The following ADGRL3 variants were observed in gnomAD, a reference collection of about 807,000 sequenced individuals.
ADGRL3 encodes calcium-independent alpha-latrotoxin receptor 3.
A neutral mutation model predicts 153.5 loss-of-function variants in ADGRL3; 62 were observed. The observed-to-expected ratio is 0.40, with a 90% confidence interval of 0.33 to 0.50. The LOEUF (loss-of-function observed/expected upper bound fraction) is 0.50, where lower values mean the gene tolerates loss of function less well. ADGRL3 is among the 20% of genes least tolerant of loss of function. The pLI is 0.47. For synonymous variants in ADGRL3, 710 were observed against 672.5 expected (o/e 1.06, Z -0.86); for missense variants, 1,641 against 1,859.4 (o/e 0.88, Z 2.16).
intron 1 of ADGRL3, among the ~76,000 whole-genome samples, chr4:61,294,090 C>T (rs562866377): frequency 2.6e-4 from 39 of 152,234 alleles, no homozygotes; most frequent in Admixed American, 5.9e-4. Context: ...AAACCACTTT[C>T]GAAAATACTT....
intron 1 of ADGRL3, among the ~76,000 whole-genome samples, chr4:61,284,447 G>A (rs1051692702): frequency 1.3e-5 from 2 of 151,770 alleles, no homozygotes; most frequent in African/African-American, 4.8e-5. Context: ...ATAATTGCCT[G>A]ATCTAACCAA....
At chr4:61,590,143 T>C (rs978605382) in intron 5 of ADGRL3, among the ~76,000 whole-genome samples, 2 of 152,138 alleles carry the variant, frequency 1.3e-5, no homozygotes, top group Non-Finnish European at 2.9e-5. Flanking sequence ...CCTACATTTC[T>C]CTTTAATCTC....
At chr4:61,344,625 T>C (rs747434118) in intron 1 of ADGRL3, among the ~76,000 whole-genome samples, 2 of 152,078 alleles carry the variant, frequency 1.3e-5, no homozygotes, top group Non-Finnish European at 1.5e-5. Context: ...CAGTGTGAGA[T>C]TGGTGAGAAT....
rs552133103 is a variant in ADGRL3 at position 61,277,222 on chromosome 4, G to T, written c.-240+75457G>T. 9.2e-5 allele frequency among the ~76,000 whole-genome samples: 14 copies of T among 152,110 alleles called. No individual in the cohort carries two copies. In the East Asian group the frequency reaches 2.3e-3, roughly 25 times the overall value. On this transcript the variant is annotated intron_variant, in intron 1 of 26. Coordinates refer to ENST00000683033, the MANE Select transcript of ADGRL3 (RefSeq NM_001387552.1). The stretch of plus-strand genomic sequence containing the variant: ...ACCAATAAATCATTTATTCTCTTGA[G>T]CCTCAAGTTCTACATTTTCTGAATG...
At chr4:61,284,176 A>G (rs2093834375) in intron 1 of ADGRL3, among the ~76,000 whole-genome samples, 1 of 151,972 alleles carries the variant, frequency 6.6e-6, no homozygotes, top group Non-Finnish European at 1.5e-5. Flanking sequence ...CTGCCCAAAC[A>G]TGCATTAATT....
intron 1 of ADGRL3, among the ~76,000 whole-genome samples, chr4:61,378,467 A>G (rs1021120828): frequency 6.6e-6 from 1 of 152,028 alleles, no homozygotes; most frequent in Non-Finnish European, 1.5e-5. Context: ...TACCAAGCAT[A>G]TAGAGATGAG....
chr4:62,052,253 T>C (rs1373281084), intron 25 of ADGRL3, among the ~76,000 whole-genome samples: 6 of 151,582 alleles, frequency 4.0e-5, no homozygotes, highest in Admixed American at 4.0e-4. Flanking sequence ...TTCATGAAGT[T>C]GAAGATTAGA....
At chr4:61,442,612 T>C (rs1189654226) in intron 2 of ADGRL3, among the ~76,000 whole-genome samples, 1 of 152,150 alleles carries the variant, frequency 6.6e-6, no homozygotes, top group Non-Finnish European at 1.5e-5. Flanking sequence ...AAAATAGTAC[T>C]GTTAAGCAAA....
intron 5 of ADGRL3, among the ~76,000 whole-genome samples, chr4:61,617,940 A>G (rs531630566): frequency 1.4e-4 from 22 of 152,314 alleles, no homozygotes; most frequent in Non-Finnish European, 3.1e-4. Context: ...AGCAATGAAC[A>G]TAGGTTGGAT....
chr4:61,966,573 G>GGTGTGTGT (rs5858746), intron 17 of ADGRL3, among the ~76,000 whole-genome samples: 2,279 of 146,026 alleles, frequency 0.016, 51 homozygotes, highest in African/African-American at 0.051. Flanking sequence ...TTTCAAAAGG[G>GGTGTGTGT]GTGTGTGTGT....
intron 8 of ADGRL3, among the ~76,000 whole-genome samples, chr4:61,779,890 T>C (rs957361781): frequency 6.6e-6 from 1 of 152,084 alleles, no homozygotes; most frequent in Non-Finnish European, 1.5e-5. Flanking sequence ...CCCGGGATCA[T>C]GTTAAAATGC....
intron 5 of ADGRL3, among the ~76,000 whole-genome samples, chr4:61,656,297 G>A (rs954451309): frequency 1.3e-5 from 2 of 152,094 alleles, no homozygotes; most frequent in African/African-American, 4.8e-5. Context: ...TCTATATGAA[G>A]CTAAACTTAT....
At chr4:61,692,302 T>C (rs2095553622) in intron 6 of ADGRL3, among the ~76,000 whole-genome samples, 1 of 149,336 alleles carries the variant, frequency 6.7e-6, no homozygotes, top group African/African-American at 2.5e-5. Context: ...TTTTCTACCC[T>C]CTTCTCTGAA....
chr4:61,548,655 A>G (rs2098725769), intron 4 of ADGRL3, among the ~76,000 whole-genome samples: 1 of 152,084 alleles, frequency 6.6e-6, no homozygotes, highest in South Asian at 2.1e-4. Context: ...TTGTACTAAT[A>G]TCATGCTTTT....
At chr4:61,663,083 A>T (rs2094658913) in intron 5 of ADGRL3, among the ~76,000 whole-genome samples, 1 of 152,158 alleles carries the variant, frequency 6.6e-6, no homozygotes, top group Non-Finnish European at 1.5e-5. Flanking sequence ...TGTGTACCTC[A>T]TTCTTCCTGA....
intron 1 of ADGRL3, among the ~76,000 whole-genome samples, chr4:61,306,679 T>A (rs1484316879): frequency 2.0e-5 from 3 of 152,176 alleles, no homozygotes; most frequent in Non-Finnish European, 4.4e-5. Context: ...TGAGACACAA[T>A]TAATAGAAAA....
intron 1 of ADGRL3, among the ~76,000 whole-genome samples, chr4:61,360,991 G>A (rs2096273818): frequency 6.6e-6 from 1 of 152,138 alleles, no homozygotes; most frequent in Non-Finnish European, 1.5e-5. Context: ...GAGGCTAGGA[G>A]GTAATGCTAC....
At chr4:61,596,114 C>G (rs1443451986) in intron 5 of ADGRL3, among the ~76,000 whole-genome samples, 2 of 151,362 alleles carry the variant, frequency 1.3e-5, no homozygotes, top group African/African-American at 4.9e-5. Context: ...AAGCTAAAAC[C>G]AGGTACTTTG....
chr4:61,723,425 TC>T (rs2151676336), intron 6 of ADGRL3, among the ~76,000 whole-genome samples: 1 of 151,706 alleles, frequency 6.6e-6, no homozygotes, highest in South Asian at 2.1e-4. Flanking sequence ...AGAAAAAAGC[TC>T]CCCCATACAG....
Sources: allele counts gnomAD v4.1 joint callset (sites outside exome capture counted in the v4.1 genomes callset), GRCh38; gene constraint gnomAD v4.1.1; transcripts MANE v1.5; gene names NCBI Gene and HGNC (gene_info 2026-07-23, HGNC 2026-07-21).